The following SOS1 variants were observed in gnomAD, a reference collection of about 807,000 sequenced individuals.
The protein encoded by SOS1 is SOS Ras/Rac guanine nucleotide exchange factor 1, also known as son of sevenless homolog 1.
Under a neutral mutation model 157.6 loss-of-function variants are expected in SOS1, and 25 were observed. The observed-to-expected ratio is 0.16, with a 90% CI of 0.12 to 0.22. The LOEUF (loss-of-function observed/expected upper bound fraction) is 0.22. SOS1 is among the 10% of genes least tolerant of loss of function. The pLI is 1.00. For missense variants in SOS1, 1,237 were observed against 1,599.1 expected, an observed-to-expected ratio of 0.77 and a Z score of 3.86; for synonymous variants, 528 against 534.0, an observed-to-expected ratio of 0.99 and a Z score of 0.16.
chr2:39,017,211 T>C (rs1206968647), intron 10 of SOS1, among the ~76,000 whole-genome samples: 2 of 152,078 alleles, frequency 1.3e-5, no homozygotes, highest in Non-Finnish European at 2.9e-5. Context: ...GATTTAGTGC[T>C]CTTTTCTATC....
At chr2:39,116,832 ACT>A (rs954803477) in intron 1 of SOS1, among the ~76,000 whole-genome samples, 32 of 152,190 alleles carry the variant, frequency 2.1e-4, no homozygotes, top group Middle Eastern at 6.8e-3. Context: ...GCCTGTTAAG[ACT>A]CTGTCTCAAA....
chr2:39,016,736 C>A (rs1354428804), intron 10 of SOS1, among the ~76,000 whole-genome samples: 1 of 152,002 alleles, frequency 6.6e-6, no homozygotes, highest in African/African-American at 2.4e-5. Flanking sequence ...AAGTTTATTT[C>A]AGTCTAAAAA....
chr2:39,122,030 G>A (rs1249070611), upstream of SOS1, among the ~76,000 whole-genome samples: 1 of 152,190 alleles, frequency 6.6e-6, no homozygotes, highest in Non-Finnish European at 1.5e-5. Context: ...CTATTCCTGA[G>A]AACAGTAACC....
chr2:39,113,872 T>C (rs1197198299), intron 1 of SOS1, among the ~76,000 whole-genome samples: 1 of 152,154 alleles, frequency 6.6e-6, no homozygotes, highest in Non-Finnish European at 1.5e-5. Context: ...CACTATCTCT[T>C]TTCCCTTCCT....
At position 38,989,269 on chromosome 2, in the gene SOS1, C is replaced by G. The variant is rs1344714889; in HGVS notation, c.3391+1G>C. The G allele has an allele frequency of 1.3e-6, 2 of 1,593,656 alleles. No individual in the cohort carries two copies. Among genetic ancestry groups the G allele is most frequent in the African/African-American group, 1.3e-5 (1 of 74,612 alleles). ...ATGAGTCTTAAACCAAATATACTAA[C>G]TTGGGCCATGGGGCAGAGTAACTTG... is the stretch of plus-strand genomic sequence containing the variant. On this transcript the variant is annotated splice_donor_variant, in intron 21 of 22. Coordinates refer to ENST00000402219, the MANE Select transcript of SOS1 (RefSeq NM_005633.4). LOFTEE classifies it high-confidence loss of function.
intron 1 of SOS1, among the ~76,000 whole-genome samples, chr2:39,104,709 C>G (rs940793875): frequency 1.3e-5 from 2 of 152,174 alleles, no homozygotes; most frequent in Non-Finnish European, 2.9e-5. Context: ...AAATGTCCAC[C>G]TGAATAGAGT....
intron 2 of SOS1, among the ~76,000 whole-genome samples, chr2:39,066,081 A>C (rs569816825): frequency 6.6e-6 from 1 of 152,208 alleles, no homozygotes; most frequent in African/African-American, 2.4e-5. Flanking sequence ...CTGTCTATCA[A>C]TCCCTCAGCC....
intron 2 of SOS1, among the ~76,000 whole-genome samples, chr2:39,064,894 C>G (rs1671542270): frequency 6.6e-6 from 1 of 150,900 alleles, no homozygotes; most frequent in South Asian, 2.1e-4. Context: ...ATTACAGGTG[C>G]CTGCCACCAT....
chr2:38,985,312 A>G lies in SOS1; in HGVS notation c.*512T>C, dbSNP rs1453120924. 5.5e-6 allele frequency: 1 copy of G among 180,774 alleles called. No individual in the cohort carries two copies. The highest frequency in any genetic ancestry group is 1.2e-5 in the Non-Finnish European group (1 of 84,664). 11.2% of individuals were successfully genotyped at this position (180,774 alleles called of 1,614,324 possible). A position where few individuals can be genotyped will look rare whatever the true frequency, so the allele number is the denominator to read the frequency against. On this transcript the variant is annotated 3_prime_UTR_variant, in exon 23 of 23. Transcript: ENST00000402219. ...GCCGGGCCTTGATTTCAACAAGGTCAGGTACCACAGCCTTTCCTCACAGTC... is the reference window on the plus strand; with the variant it reads ...GCCGGGCCTTGATTTCAACAAGGTCGGGTACCACAGCCTTTCCTCACAGTC...
chr2:39,006,814 C>G (rs1669296322), intron 16 of SOS1, among the ~76,000 whole-genome samples: 1 of 152,104 alleles, frequency 6.6e-6, no homozygotes, highest in African/African-American at 2.4e-5. Context: ...AAAGTTTTTT[C>G]TTCTAGCTTA....
upstream of SOS1, among the ~76,000 whole-genome samples, chr2:39,121,402 T>C (rs903239129): frequency 6.6e-6 from 1 of 152,160 alleles, no homozygotes; most frequent in Non-Finnish European, 1.5e-5. Flanking sequence ...GCACGCAATG[T>C]ATAGTAAACA....
chr2:39,048,612 G>C (rs1670882055), intron 6 of SOS1, among the ~76,000 whole-genome samples: 1 of 151,906 alleles, frequency 6.6e-6, no homozygotes, highest in African/African-American at 2.4e-5. Flanking sequence ...ATGTTGGCCA[G>C]GCTGGTCTCG....
intron 1 of SOS1, among the ~76,000 whole-genome samples, chr2:39,073,429 T>C (rs111458389): frequency 0.011 from 1,716 of 152,356 alleles, 37 homozygotes; most frequent in African/African-American, 0.039. Flanking sequence ...TTTCTTAAAG[T>C]AATTTAAGTA....
In SOS1 at chr2:39,099,272, G is replaced by C. The variant is rs138219863; in HGVS notation, c.87+21064C>G. Among the ~76,000 whole-genome samples the C allele has an allele frequency of 1.2e-3, 177 of 152,300 alleles. 1 individual carries two copies. Among genetic ancestry groups the C allele is most frequent in the Non-Finnish European group, 2.1e-3 (144 of 68,022 alleles). On this transcript the variant is annotated intron_variant, in intron 1 of 22. Transcript: ENST00000402219. Reference sequence around the variant, plus strand: ...TGCAACACAATACTATTTAGTCGTAGAAATGAAGTACTGATACATGCTAAA... The same window carrying C: ...TGCAACACAATACTATTTAGTCGTACAAATGAAGTACTGATACATGCTAAA...
intron 1 of SOS1, among the ~76,000 whole-genome samples, chr2:39,103,826 T>C (rs571507437): frequency 1.1e-4 from 17 of 152,322 alleles, no homozygotes; most frequent in African/African-American, 4.1e-4. Flanking sequence ...CTTTCGTTCA[T>C]CAGAGGACAT....
intron 6 of SOS1, among the ~76,000 whole-genome samples, chr2:39,042,631 C>T (rs1284993691): frequency 1.3e-5 from 2 of 151,168 alleles, no homozygotes. Flanking sequence ...TCTCAAACTC[C>T]TGACCTTGTG....
chr2:39,035,524 CAT>C (rs761922780), intron 6 of SOS1, 24 bp from the exon 7 acceptor site: 8 of 1,487,304 alleles, frequency 5.4e-6, no homozygotes, highest in Non-Finnish European at 7.5e-6. Flanking sequence ...GAAGGTAAAA[CAT>C]AAATAATTTA....
intron 5 of SOS1, 104 bp from the exon 6 acceptor site, chr2:39,051,391 A>G (rs1390011743): frequency 2.0e-6 from 2 of 995,550 alleles, no homozygotes; most frequent in Admixed American, 1.9e-5. Flanking sequence ...TTAACATGTC[A>G]GACACAGTGA....
chr2:38,987,799 A>C (rs1231422529), intron 21 of SOS1: 3 of 525,196 alleles, frequency 5.7e-6, no homozygotes, highest in African/African-American at 3.8e-5. Context: ...TATTTAGAAA[A>C]AAGCTGCCTA....
Sources: gnomAD v4.1 joint callset for allele counts (sites outside exome capture counted in the v4.1 genomes callset) on GRCh38, gnomAD v4.1.1 for gene constraint, MANE v1.5 for transcripts, NCBI Gene and HGNC (gene_info 2026-07-23, HGNC 2026-07-21) for gene names.